ALK: variants seen among roughly 807,000 people sequenced by gnomAD.
ALK encodes ALK tyrosine kinase receptor.
ALK carries 74 observed loss-of-function variants against 163.1 expected under a neutral mutation model. That is an observed-to-expected ratio of 0.45 (90% CI 0.38 to 0.55). The LOEUF (loss-of-function observed/expected upper bound fraction) is 0.55, where lower values mean the gene tolerates loss of function less well. Among genes scored for constraint, ALK ranks in the 20% least tolerant of loss-of-function variants. The probability of loss-of-function intolerance (pLI) is 0.00; values close to 1 mark genes in which losing one functional copy is unlikely to be tolerated. For synonymous variants in ALK, 960 were observed against 843.2 expected (o/e 1.14, Z -2.40); for missense variants, 2,063 against 2,105.3 (o/e 0.98, Z 0.39).
chr2:29,808,274 T>C (rs564827990), intron 1 of ALK, among the ~76,000 whole-genome samples: 1 of 152,228 alleles, frequency 6.6e-6, no homozygotes, highest in Admixed American at 6.5e-5. Context: ...GGAAATGACT[T>C]GCCCATAGTG....
At position 29,320,793 on chromosome 2, in the gene ALK, G is replaced by A. The variant is rs2148250921; in HGVS notation, c.1504C>T (p.Gln502Ter). Residue 502 changes from glutamine to a stop codon, truncating the protein, a stop_gained, in exon 7 of 29, where the codon CAG becomes TAG. Transcript: ENST00000389048. LOFTEE classifies it high-confidence loss of function. The stretch of plus-strand genomic sequence containing the variant: ...CGGGCATCCTTTAGGGTCCTGACCT[G>A]CCATTGAGGAGTGTGGGGTGACAGT... ...GTLSPHTPQW[Q>*]VRTLKDARFQ... is the part of the protein sequence containing the mutation. 1.1e-5 allele frequency: 18 copies of A among 1,614,116 alleles called. No individual in the cohort carries two copies. The highest frequency in any genetic ancestry group is 2.7e-5 in the African/African-American group (2 of 75,044).
intron 4 of ALK, among the ~76,000 whole-genome samples, chr2:29,489,220 G>A (rs1671845435): frequency 1.3e-5 from 2 of 152,134 alleles, no homozygotes; most frequent in South Asian, 2.1e-4. Context: ...TTGGCATGAT[G>A]TCTAGTACTT....
intron 8 of ALK, among the ~76,000 whole-genome samples, chr2:29,299,202 C>G (rs536942687): frequency 6.6e-6 from 1 of 152,116 alleles, no homozygotes; most frequent in East Asian, 1.9e-4. Context: ...CCTAAAGTGC[C>G]TCTCCCTCTC....
chr2:29,601,647 G>A (rs1675383222), intron 3 of ALK, among the ~76,000 whole-genome samples: 1 of 152,126 alleles, frequency 6.6e-6, no homozygotes, highest in Non-Finnish European at 1.5e-5. Flanking sequence ...GTTCCATAGA[G>A]TGAAGTGAGC....
At chr2:29,289,475 T>C (rs1311857357) in intron 9 of ALK, among the ~76,000 whole-genome samples, 1 of 152,214 alleles carries the variant, frequency 6.6e-6, no homozygotes, top group African/African-American at 2.4e-5. Context: ...CTCAGCCTAA[T>C]GCCAATAAGC....
chr2:29,576,447 T>C (rs1185816828), intron 3 of ALK, among the ~76,000 whole-genome samples: 4 of 152,212 alleles, frequency 2.6e-5, no homozygotes, highest in Non-Finnish European at 4.4e-5. Context: ...CAACTGTCAA[T>C]GCCAACTTGG....
At position 29,755,827 on chromosome 2, in the gene ALK, C is replaced by T. The variant is rs533395893; in HGVS notation, c.668-38130G>A. 5.6e-4 allele frequency among the ~76,000 whole-genome samples: 85 copies of T among 152,190 alleles called. 2 individuals are homozygous for T. Among genetic ancestry groups the T allele is most frequent in the African/African-American group, 1.3e-3 (54 of 41,522 alleles). On this transcript the variant is annotated intron_variant, in intron 1 of 28. Transcript: ENST00000389048. ...CAAACAGGGAGTGGCAAAAAAGAGT[C>T]GCAGCACCTCAAGCACCTGTGCCGC...
chr2:29,497,562 C>G (rs36065119), intron 4 of ALK, among the ~76,000 whole-genome samples: 17,562 of 152,214 alleles, frequency 0.12, 1,306 homozygotes, highest in East Asian at 0.3. Flanking sequence ...TCCACACAGA[C>G]CCATGCTCTG....
At position 29,830,713 on chromosome 2, in the gene ALK, TAAAAAAAAAAAAAAAAA is replaced by T. The variant is rs530774574; in HGVS notation, c.667+89263_667+89279del. Among the ~76,000 whole-genome samples the T allele has an allele frequency of 1.6e-3, 45 of 28,998 alleles. 1 individual carries two copies. Among genetic ancestry groups the T allele is most frequent in the African/African-American group, 3.2e-3 (29 of 9,184 alleles). The allele number at this position is 28,998 out of a possible 152,430, so 19.0% of individuals were successfully genotyped here. On this transcript the variant is annotated intron_variant, in intron 1 of 28. Transcript: ENST00000389048. ...GCAAGACCCTGTCTCTAAAATAGTT[TAAAAAAAAAAAAAAAAA>T]AAAAAAAAAAAAAAAAAAAAAAACT...
chr2:29,380,269 C>A (rs77488442), intron 5 of ALK, among the ~76,000 whole-genome samples: 2 of 151,992 alleles, frequency 1.3e-5, no homozygotes, highest in African/African-American at 4.8e-5. Context: ...CCATGCCCAG[C>A]TAATTTTTGT....
At chr2:29,293,483 G>A (rs1438332279) in intron 9 of ALK, among the ~76,000 whole-genome samples, 2 of 152,200 alleles carry the variant, frequency 1.3e-5, no homozygotes, top group African/African-American at 4.8e-5. Context: ...CAAGAGCCAT[G>A]AGAATATATT....
At chr2:29,685,705 C>A (rs898324388) in intron 3 of ALK, among the ~76,000 whole-genome samples, 2 of 152,144 alleles carry the variant, frequency 1.3e-5, no homozygotes, top group African/African-American at 4.8e-5. Context: ...GTGTTAGTAT[C>A]CTATTGCTGC....
At chr2:29,618,705 G>A (rs1441997725) in intron 3 of ALK, among the ~76,000 whole-genome samples, 1 of 152,212 alleles carries the variant, frequency 6.6e-6, no homozygotes, top group East Asian at 1.9e-4. Flanking sequence ...ACTTGGCCAG[G>A]TGCGGTGGCT....
chr2:29,359,608 C>G (rs1412823998), intron 5 of ALK, among the ~76,000 whole-genome samples: 1 of 152,182 alleles, frequency 6.6e-6, no homozygotes, highest in Non-Finnish European at 1.5e-5. Flanking sequence ...TATGGCTGTT[C>G]CACTTGAAGG....
chr2:29,215,267 G>A (rs1215885965), intron 23 of ALK, among the ~76,000 whole-genome samples: 1 of 152,340 alleles, frequency 6.6e-6, no homozygotes, highest in Non-Finnish European at 1.5e-5. Context: ...GTGGAACCAG[G>A]TGGGGTCTGG....
At chr2:29,892,257 GC>G (rs1172273625) in intron 1 of ALK, 1 of 152,170 alleles carries the variant, frequency 6.6e-6, no homozygotes, top group African/African-American at 2.4e-5. Context: ...CATAGGAGAT[GC>G]CCTTTCATCT....
intron 26 of ALK, among the ~76,000 whole-genome samples, chr2:29,200,109 A>G (rs1220130004): frequency 6.7e-6 from 1 of 149,634 alleles, no homozygotes; most frequent in East Asian, 1.9e-4. Context: ...TGGCACATAT[A>G]TTATTCCTTT....
intron 3 of ALK, among the ~76,000 whole-genome samples, chr2:29,624,671 C>T (rs962055856): frequency 1.3e-5 from 2 of 152,132 alleles, no homozygotes; most frequent in African/African-American, 2.4e-5. Flanking sequence ...TGGGATGATC[C>T]GTGCAGCAAA....
chr2:29,842,414 T>C (rs1665724604), intron 1 of ALK, among the ~76,000 whole-genome samples: 1 of 152,212 alleles, frequency 6.6e-6, no homozygotes, highest in Non-Finnish European at 1.5e-5. Flanking sequence ...GTTCTTGGGC[T>C]GTACTGACCA....
Sources: allele counts gnomAD v4.1 joint callset (sites outside exome capture counted in the v4.1 genomes callset), GRCh38; gene constraint gnomAD v4.1.1; transcripts MANE v1.5; gene names NCBI Gene and HGNC (gene_info 2026-07-23, HGNC 2026-07-21).